Variants in WAPL observed in about 807,000 individuals in gnomAD.
WAPL encodes WAPL cohesin release factor.
WAPL carries 5 observed loss-of-function variants against 121.0 expected under a neutral mutation model. The ratio of observed to expected loss-of-function variants is 0.04; its 90% CI spans 0.02 to 0.09. The LOEUF (loss-of-function observed/expected upper bound fraction) is 0.09, where lower values mean the gene tolerates loss of function less well. WAPL is among the 10% of genes least tolerant of loss of function. The pLI is 1.00. For synonymous variants in WAPL, 480 were observed against 481.5 expected (o/e 1.00, Z 0.04); for missense variants, 999 against 1,410.8 (o/e 0.71, Z 4.68).
intron 17 of WAPL, 47 bp downstream of exon 17, chr10:86,443,228 T>C (rs2132164780): frequency 6.8e-7 from 1 of 1,460,710 alleles, no homozygotes; most frequent in Non-Finnish European, 9.6e-7. Context: ...GTCGTTACAT[T>C]GGAATCTTTC....
At chr10:86,509,344 T>C (rs1275561737) in intron 2 of WAPL, among the ~76,000 whole-genome samples, 1 of 152,138 alleles carries the variant, frequency 6.6e-6, no homozygotes, top group Non-Finnish European at 1.5e-5. Flanking sequence ...CTGGGAATAA[T>C]TCCTGATGCC....
At chr10:86,490,229 T>TACAC (rs1564580358) in intron 4 of WAPL, among the ~76,000 whole-genome samples, 1 of 151,468 alleles carries the variant, frequency 6.6e-6, no homozygotes, top group African/African-American at 2.4e-5. Flanking sequence ...AAAAAACACA[T>TACAC]ACACACACAC....
intron 17 of WAPL, among the ~76,000 whole-genome samples, chr10:86,438,432 T>G (rs926470338): frequency 4.6e-5 from 7 of 152,206 alleles, no homozygotes; most frequent in Non-Finnish European, 1.0e-4. Context: ...TTTTGTATTT[T>G]TAGCAGAGAC....
At chr10:86,485,022 T>C (rs1841897594) in intron 4 of WAPL, among the ~76,000 whole-genome samples, 1 of 151,898 alleles carries the variant, frequency 6.6e-6, no homozygotes, top group Admixed American at 6.6e-5. Flanking sequence ...CGCATGTGCG[T>C]GTGCTCACTC....
chr10:86,515,510 C>T (rs947935071), intron 2 of WAPL, among the ~76,000 whole-genome samples: 1 of 152,074 alleles, frequency 6.6e-6, no homozygotes, highest in Non-Finnish European at 1.5e-5. Flanking sequence ...GGGCCAGAAG[C>T]GATGGCTCAC....
intron 4 of WAPL, among the ~76,000 whole-genome samples, chr10:86,491,706 C>A (rs1393183567): frequency 6.6e-6 from 1 of 150,466 alleles, no homozygotes; most frequent in African/African-American, 2.5e-5. Context: ...ATGGTTCACA[C>A]TGGCCAAATA....
chr10:86,477,135 T>C (rs1841675577), intron 4 of WAPL, among the ~76,000 whole-genome samples: 1 of 152,176 alleles, frequency 6.6e-6, no homozygotes, highest in Non-Finnish European at 1.5e-5. Context: ...ACACATCTAA[T>C]TAAAAATTAA....
chr10:86,465,530 G>A (rs977160405), intron 9 of WAPL, among the ~76,000 whole-genome samples: 1 of 152,096 alleles, frequency 6.6e-6, no homozygotes, highest in African/African-American at 2.4e-5. Context: ...CATCTGTTCT[G>A]GGAAAGCCTC....
intron 4 of WAPL, among the ~76,000 whole-genome samples, chr10:86,492,775 A>G (rs926389556): frequency 1.1e-4 from 16 of 152,244 alleles, no homozygotes; most frequent in Admixed American, 1.0e-3. Context: ...CATCAGGGCC[A>G]TCCGGGCGCG....
In WAPL at chr10:86,444,892, CAAAAA is replaced by C. The variant is rs35307250; in HGVS notation, c.3322+1345_3322+1349del. ...TAAAAAACCAAAAATGTTATTACGC[CAAAAA>C]AAAAAAAAAAAAAAAGAAATGCATC... On this transcript the variant is annotated intron_variant, in intron 16 of 18. Transcript: ENST00000298767. Among the ~76,000 whole-genome samples the C allele has an allele frequency of 8.7e-3, 595 of 68,206 alleles. 6 individuals carry two copies. The highest frequency in any genetic ancestry group is 0.013 in the Admixed American group (80 of 6,010). 44.7% of individuals were successfully genotyped at this position (68,206 alleles called of 152,430 possible). A position where few individuals can be genotyped will look rare whatever the true frequency, so the allele number is the denominator to read the frequency against.
intron 15 of WAPL, among the ~76,000 whole-genome samples, chr10:86,451,434 G>C (rs1404014939): frequency 6.6e-6 from 1 of 151,668 alleles, no homozygotes; most frequent in Admixed American, 6.6e-5. Flanking sequence ...TGTTGTCCAG[G>C]CTGGAGTGCA....
intron 12 of WAPL, among the ~76,000 whole-genome samples, chr10:86,456,645 G>A (rs7075426): frequency 0.48 from 73,639 of 151,934 alleles, 18,173 homozygotes; most frequent in East Asian, 0.69. Flanking sequence ...TACTGAGGAA[G>A]TTCTGTAAAA....
intron 4 of WAPL, among the ~76,000 whole-genome samples, chr10:86,482,646 T>A (rs1841819251): frequency 6.6e-6 from 1 of 152,206 alleles, no homozygotes; most frequent in Non-Finnish European, 1.5e-5. Context: ...GATGGGGACA[T>A]GGCAGACAAA....
At chr10:86,488,397 G>C (rs1410707754) in intron 4 of WAPL, 1 of 152,190 alleles carries the variant, frequency 6.6e-6, no homozygotes, top group East Asian at 1.9e-4. Context: ...CTGACTCCAG[G>C]ACTGGGAAAG....
At chr10:86,453,410 A>G in intron 13 of WAPL, 75 bp from the exon 14 acceptor site, 1 of 1,448,112 alleles carries the variant, frequency 6.9e-7, no homozygotes. Context: ...ATTTATTAAC[A>G]TGGATATTAA....
intron 1 of WAPL, among the ~76,000 whole-genome samples, chr10:86,520,059 G>C (rs1286567581): frequency 1.3e-5 from 2 of 152,256 alleles, no homozygotes; most frequent in Admixed American, 1.3e-4. Flanking sequence ...ACTCTGGGAA[G>C]CCAAGACGGG....
chr10:86,482,542 G>A (rs1324665125), intron 4 of WAPL, among the ~76,000 whole-genome samples: 1 of 152,140 alleles, frequency 6.6e-6, no homozygotes, highest in Non-Finnish European at 1.5e-5. Flanking sequence ...TTACTCCTCG[G>A]AGAATGGACC....
At chr10:86,437,811 A>G in intron 18 of WAPL, 109 bp downstream of exon 18, 1 of 1,016,694 alleles carries the variant, frequency 9.8e-7, no homozygotes, top group South Asian at 1.7e-5. Context: ...TATTAAAATT[A>G]AAAGAAAATC....
intron 3 of WAPL, among the ~76,000 whole-genome samples, chr10:86,499,269 C>T (rs17106792): frequency 0.11 from 17,320 of 152,136 alleles, 1,246 homozygotes; most frequent in East Asian, 0.38. Flanking sequence ...AGGTGATTTA[C>T]GGTTCTAACA....
Sources: allele counts gnomAD v4.1 joint callset (sites outside exome capture counted in the v4.1 genomes callset), GRCh38; gene constraint gnomAD v4.1.1; transcripts MANE v1.5; gene names NCBI Gene and HGNC (gene_info 2026-07-23, HGNC 2026-07-21).